Variants in PFKFB4 observed in about 807,000 individuals in gnomAD.
PFKFB4 encodes 6-phosphofructo-2-kinase/fructose-2,6-biphosphatase 4.
A neutral mutation model predicts 62.8 loss-of-function variants in PFKFB4; 42 were observed. That is an observed-to-expected ratio of 0.67 (90% CI 0.52 to 0.86). PFKFB4 has a LOEUF of 0.86. Ranked by LOEUF, PFKFB4 falls within the 40% of genes least tolerant of loss-of-function variation. The pLI, the probability that PFKFB4 is intolerant of heterozygous loss-of-function variation, is 0.00. For synonymous variants in PFKFB4, 204 were observed against 240.7 expected, an observed-to-expected ratio of 0.85 and a Z score of 1.41; for missense variants, 475 against 627.2, an observed-to-expected ratio of 0.76 and a Z score of 2.59.
chr3:48,558,074 A>G (rs1056910466), upstream of PFKFB4, among the ~76,000 whole-genome samples: 1 of 152,154 alleles, frequency 6.6e-6, no homozygotes, highest in African/African-American at 2.4e-5. Flanking sequence ...AAGTATGTCA[A>G]TCTCTAAGAA....
chr3:48,532,192 C>T (rs1472105006), intron 9 of PFKFB4, among the ~76,000 whole-genome samples: 1 of 152,156 alleles, frequency 6.6e-6, no homozygotes, highest in Non-Finnish European at 1.5e-5. Flanking sequence ...GGCCTGTAAT[C>T]CCAGCTACTC....
Position 48,518,855 on chromosome 3 carries a change from T to G in PFKFB4, c.*892A>C, listed in dbSNP as rs2041998061. On this transcript the variant is annotated 3_prime_UTR_variant, in exon 14 of 14. Coordinates refer to ENST00000232375, the MANE Select transcript of PFKFB4 (RefSeq NM_004567.4). The stretch of plus-strand genomic sequence containing the variant: ...GGGGAGAGGCCGCCTCCCCATTGGC[T>G]GCCAGTGTCCACAGCCAGGGAAGGG... 6.6e-6 allele frequency: 1 copy of G among 152,224 alleles called. No homozygotes were observed. Among genetic ancestry groups the G allele is most frequent in the Non-Finnish European group, 1.5e-5 (1 of 68,038 alleles). 9.4% of individuals were successfully genotyped at this position (152,224 alleles called of 1,614,324 possible).
chr3:48,539,572 C>A (rs936134683), intron 5 of PFKFB4, 125 bp downstream of exon 5: 2 of 882,874 alleles, frequency 2.3e-6, no homozygotes, highest in Non-Finnish European at 3.7e-6. Flanking sequence ...CCCTCTCATC[C>A]CAAATTACAC....
chr3:48,542,333 CAAA>C (rs1229597350), intron 4 of PFKFB4, among the ~76,000 whole-genome samples: 7 of 58,858 alleles, frequency 1.2e-4, no homozygotes, highest in Admixed American at 1.8e-4. Flanking sequence ...GACTCCATCT[CAAA>C]AAAAAAAAAA....
intron 7 of PFKFB4, among the ~76,000 whole-genome samples, chr3:48,538,292 C>A (rs542523310): frequency 6.6e-6 from 1 of 152,296 alleles, no homozygotes; most frequent in African/African-American, 2.4e-5. Context: ...AAAATCCTGA[C>A]TCGCAGAGTT....
upstream of PFKFB4, among the ~76,000 whole-genome samples, chr3:48,558,612 T>G (rs559247999): frequency 6.6e-4 from 101 of 152,316 alleles, no homozygotes; most frequent in African/African-American, 2.2e-3. Context: ...AACTGAAGAT[T>G]CCAAAGGTCC....
At chr3:48,535,371 CT>C in intron 9 of PFKFB4, 140 bp downstream of exon 9, 1 of 751,800 alleles carries the variant, frequency 1.3e-6, no homozygotes, top group Non-Finnish European at 2.2e-6. Flanking sequence ...CTTTTCCTCT[CT>C]GCTCCCAGCC....
chr3:48,539,737 C>T lies in PFKFB4; in HGVS notation c.413G>A (p.Arg138Lys), dbSNP rs1168216619. 1.2e-6 allele frequency: 2 copies of T among 1,614,192 alleles called. No individual in the cohort carries two copies. The highest frequency in any genetic ancestry group is 2.2e-5 in the East Asian group (1 of 44,886). Residue 138 changes from arginine to lysine, a missense_variant, in exon 5 of 14, where the codon AGA becomes AAA. Coordinates refer to ENST00000232375, the MANE Select transcript of PFKFB4 (RefSeq NM_004567.4). ...TTCTCCAAAATTAAAGATGGTCGCT[C>T]TCCGTTCTCGGGTGGTGTTTGTGGC... ...FDATNTTRER[R>K]ATIFNFGEQN... is the part of the protein sequence containing the mutation.
At chr3:48,539,946 G>A (rs1177228119) in intron 4 of PFKFB4, among the ~76,000 whole-genome samples, 175 bp from the exon 5 acceptor site, 2 of 152,266 alleles carry the variant, frequency 1.3e-5, no homozygotes, top group African/African-American at 4.8e-5. Flanking sequence ...GACTTGCAAC[G>A]GCTGGGCTGG....
intron 1 of PFKFB4, among the ~76,000 whole-genome samples, chr3:48,554,298 G>A (rs1265364538): frequency 6.6e-6 from 1 of 152,326 alleles, no homozygotes; most frequent in East Asian, 1.9e-4. Context: ...AGGGTAAAGT[G>A]TTGCCCAAAT....
At chr3:48,559,384 G>A (rs1415085538), upstream of PFKFB4, 1 of 386,948 alleles carries the variant, frequency 2.6e-6, no homozygotes, top group East Asian at 7.5e-5. Context: ...TGAGGGTCAG[G>A]AAGAGGGAGA....
chr3:48,558,109 T>C (rs1342830604), upstream of PFKFB4, among the ~76,000 whole-genome samples: 5 of 152,222 alleles, frequency 3.3e-5, no homozygotes, highest in Admixed American at 6.5e-5. Flanking sequence ...ACGTTATGGT[T>C]GCCTTTTACT....
chr3:48,550,893 C>T (rs1470656737), intron 1 of PFKFB4, among the ~76,000 whole-genome samples: 4 of 152,218 alleles, frequency 2.6e-5, no homozygotes, highest in African/African-American at 9.6e-5. Flanking sequence ...TATCTGAGCC[C>T]TTTAGGGCCC....
chr3:48,524,052 G>A (rs766853038), intron 10 of PFKFB4, among the ~76,000 whole-genome samples: 5 of 152,182 alleles, frequency 3.3e-5, no homozygotes, highest in Non-Finnish European at 5.9e-5. Flanking sequence ...GATTGAGAGC[G>A]CAGAGCTAGG....
chr3:48,563,050 G>C (rs752897108), upstream of PFKFB4: 2 of 1,612,132 alleles, frequency 1.2e-6, no homozygotes, highest in Non-Finnish European at 1.7e-6. This position sits in a 1 kb window ranked among gnomAD's most constrained non-coding sequence, Gnocchi z 4.5. Flanking sequence ...GGAAGGTTGG[G>C]ATAGGGGTCA....
In PFKFB4 at chr3:48,539,725, A is replaced by G. The variant is rs745501501; in HGVS notation, c.425T>C (p.Phe142Ser). The change falls in exon 5 of 14, where the codon TTT (phenylalanine) becomes TCT (serine). Residue 142 changes from phenylalanine to serine, a missense_variant. Phe to Ser is a radical substitution (Grantham distance 155, BLOSUM62 -2). Coordinates refer to ENST00000232375, the MANE Select transcript of PFKFB4 (RefSeq NM_004567.4). ...NTTRERRATI[F>S]NFGEQNGYKT... ...GTAGCCATTCTGTTCTCCAAAATTAAAGATGGTCGCTCTCCGTTCTCGGGT... is the reference window on the plus strand; with the variant it reads ...GTAGCCATTCTGTTCTCCAAAATTAGAGATGGTCGCTCTCCGTTCTCGGGT... 6.3e-5 allele frequency: 102 copies of G among 1,613,996 alleles called. No homozygotes were observed. The highest frequency in any genetic ancestry group is 7.5e-5 in the Non-Finnish European group (89 of 1,179,984).
In PFKFB4 at chr3:48,556,197, T is replaced by C; in HGVS notation, c.97+484A>G. On this transcript the variant is annotated intron_variant, in intron 1 of 13. Coordinates refer to ENST00000232375, the MANE Select transcript of PFKFB4 (RefSeq NM_004567.4). This position sits in a 1 kb window ranked among gnomAD's most constrained non-coding sequence, Gnocchi z 5.7. ...TCAGCTTTAAGGCCAAGAGGCACCCTTCCTCCTGTTGGAAAACTAGCCCAC... is the reference window on the plus strand; with the variant it reads ...TCAGCTTTAAGGCCAAGAGGCACCCCTCCTCCTGTTGGAAAACTAGCCCAC... 1 of 459,200 alleles carries C rather than the reference T, an allele frequency of 2.2e-6. No individual in the cohort carries two copies. The highest frequency in any genetic ancestry group is 4.4e-6 in the Non-Finnish European group (1 of 228,780). The allele number at this position is 459,200 out of a possible 1,614,324, so 28.4% of individuals were successfully genotyped here.
At chr3:48,542,301 T>A (rs1359336024) in intron 4 of PFKFB4, among the ~76,000 whole-genome samples, 3 of 143,140 alleles carry the variant, frequency 2.1e-5, no homozygotes, top group Non-Finnish European at 4.5e-5. Context: ...GCCACTGCAC[T>A]CCAGCCTGGG....
At position 48,536,441 on chromosome 3, in the gene PFKFB4, T is replaced by C. The variant is rs1397260404; in HGVS notation, c.655A>G (p.Met219Val). The part of the protein sequence containing the change: ...LDRDLSYIKI[M>V]DVGQSYVVNR... ...ACCACGTAGCTCTGGCCCACATCCA[T>C]GATCTTGATATAGGACAGGTCCCTG... The change falls in exon 8 of 14, where the codon ATG (methionine) becomes GTG (valine). Residue 219 changes from methionine to valine, a missense_variant. Coordinates refer to ENST00000232375, the MANE Select transcript of PFKFB4 (RefSeq NM_004567.4). 1.2e-6 allele frequency: 2 copies of C among 1,613,736 alleles called. No individual in the cohort carries two copies. The highest frequency in any genetic ancestry group is 2.2e-5 in the East Asian group (1 of 44,876).
Sources: allele counts gnomAD v4.1 joint callset (sites outside exome capture counted in the v4.1 genomes callset), GRCh38; gene constraint gnomAD v4.1.1; non-coding constraint Gnocchi (gnomAD v3.1); transcripts MANE v1.5; gene names NCBI Gene and HGNC (gene_info 2026-07-23, HGNC 2026-07-21).